MICAL2: variants seen among roughly 807,000 people sequenced by gnomAD.
MICAL2 encodes the protein [F-actin]-monooxygenase MICAL2.
MICAL2 carries 77 observed loss-of-function variants against 127.3 expected under a neutral mutation model. The observed-to-expected ratio is 0.60, with a 90% CI of 0.50 to 0.73. MICAL2 has a LOEUF of 0.73. MICAL2 is among the 30% of genes least tolerant of loss of function. MICAL2 has a pLI of 0.00. For synonymous variants in MICAL2, 570 were observed against 551.1 expected, an observed-to-expected ratio of 1.03 and a Z score of -0.48; for missense variants, 1,351 against 1,434.4, an observed-to-expected ratio of 0.94 and a Z score of 0.94.
Position 12,236,252 on chromosome 11 carries a change from G to T in MICAL2, c.2064+7G>T. On this transcript the variant is annotated splice_region_variant and intron_variant, in intron 16 of 27. Transcript: ENST00000683283. ...CTTCACCAACCTGGACGAGGTTTGT[G>T]TACACAGTGTGGCTTTAAACAGAGG... 6.2e-7 allele frequency: 1 copy of T among 1,613,858 alleles called. No homozygotes were observed. Among genetic ancestry groups the T allele is most frequent in the Non-Finnish European group, 8.5e-7 (1 of 1,179,688 alleles).
chr11:12,342,983 A>G (rs1308157419), intron 32 of MICAL2, among the ~76,000 whole-genome samples: 1 of 152,116 alleles, frequency 6.6e-6, no homozygotes, highest in Admixed American at 6.5e-5. Context: ...TGGAGTGGAG[A>G]GCAAGGCAAG....
At chr11:12,128,271 C>T (rs1304028368) in intron 1 of MICAL2, among the ~76,000 whole-genome samples, 1 of 152,192 alleles carries the variant, frequency 6.6e-6, no homozygotes, top group Non-Finnish European at 1.5e-5. Context: ...AATGGAAATC[C>T]TTTGTAAAGT....
chr11:12,304,403 G>A (rs1017218345), intron 29 of MICAL2, among the ~76,000 whole-genome samples: 1 of 152,032 alleles, frequency 6.6e-6, no homozygotes, highest in Non-Finnish European at 1.5e-5. Flanking sequence ...GGCTGAGGCG[G>A]GCAGATCACC....
intron 2 of MICAL2, among the ~76,000 whole-genome samples, chr11:12,147,247 A>T (rs915828827): frequency 1.3e-5 from 2 of 152,204 alleles, no homozygotes. Flanking sequence ...AAAATTTAGA[A>T]ATCTTTTAAG....
chr11:12,244,457 A>G (rs1326439981), intron 21 of MICAL2, among the ~76,000 whole-genome samples: 2 of 152,232 alleles, frequency 1.3e-5, no homozygotes. Context: ...CATAGAAATA[A>G]GTGACATTTT....
At chr11:12,160,355 A>G (rs542243774) in intron 2 of MICAL2, among the ~76,000 whole-genome samples, 17 of 151,778 alleles carry the variant, frequency 1.1e-4, no homozygotes, top group African/African-American at 4.1e-4. Flanking sequence ...CCTCCAGTCC[A>G]CTGCTGCCCT....
At chr11:12,222,957 T>A (rs1856997494) in intron 11 of MICAL2, among the ~76,000 whole-genome samples, 1 of 152,174 alleles carries the variant, frequency 6.6e-6, no homozygotes, top group Non-Finnish European at 1.5e-5. Context: ...GGGGAGAGAT[T>A]TATATGTATA....
Position 12,324,185 on chromosome 11 carries a change from G to T in MICAL2, c.5421+115G>T, listed in dbSNP as rs1864331236. ...ATTAGGGAAAGCAGGCTGGAGAAAG[G>T]TCAGTCTTGTTCTCTGAGGAACCAG... On this transcript the variant is annotated intron_variant, in intron 31 of 34. Transcript: ENST00000646065. 2.4e-6 allele frequency: 3 copies of T among 1,269,502 alleles called. No homozygotes were observed. The East Asian group carries it at 8.0e-5, about 34-fold the overall frequency. The allele number at this position is 1,269,502 out of a possible 1,614,324, so 78.6% of individuals were successfully genotyped here. A position where few individuals can be genotyped will look rare whatever the true frequency, so the allele number is the denominator to read the frequency against.
intron 26 of MICAL2, chr11:12,262,100 G>T (rs745953678): frequency 1.8e-6 from 2 of 1,123,538 alleles, no homozygotes; most frequent in Non-Finnish European, 2.2e-6. Flanking sequence ...ATGTTTGTAC[G>T]CTCTGAGATG....
chr11:12,293,979 T>C, downstream of MICAL2: 1 of 1,614,102 alleles, frequency 6.2e-7, no homozygotes. Flanking sequence ...AAGTTAGTCC[T>C]CACTCAGGAG....
At chr11:12,361,869 C>G (rs1939210370), downstream of MICAL2, among the ~76,000 whole-genome samples, 1 of 152,206 alleles carries the variant, frequency 6.6e-6, no homozygotes, top group Non-Finnish European at 1.5e-5. Flanking sequence ...CAGGGGGCAG[C>G]CGGGGCCGCC....
chr11:12,257,473 A>G (rs1175748936), intron 24 of MICAL2, among the ~76,000 whole-genome samples: 2 of 152,214 alleles, frequency 1.3e-5, no homozygotes, highest in Non-Finnish European at 2.9e-5. Context: ...ATCGGAACGA[A>G]TGATTATTTT....
At chr11:12,234,253 A>G (rs1858713171) in intron 15 of MICAL2, among the ~76,000 whole-genome samples, 1 of 151,762 alleles carries the variant, frequency 6.6e-6, no homozygotes, top group Admixed American at 6.6e-5. Flanking sequence ...AGAGAGTAAA[A>G]TGTTTTGCCC....
downstream of MICAL2, chr11:12,294,856 A>G (rs1026722685): frequency 8.8e-6 from 13 of 1,480,408 alleles, no homozygotes; most frequent in Admixed American, 8.9e-5. Context: ...CGGGAGGTGC[A>G]GGTAAGTGGC....
intron 3 of MICAL2, among the ~76,000 whole-genome samples, chr11:12,163,498 C>T (rs1189980140): frequency 6.6e-6 from 1 of 152,204 alleles, no homozygotes; most frequent in Non-Finnish European, 1.5e-5. Flanking sequence ...GGATATGCTG[C>T]TTTCCACTGC....
intron 33 of MICAL2, among the ~76,000 whole-genome samples, chr11:12,352,099 T>A (rs1939059696): frequency 6.6e-6 from 1 of 152,210 alleles, no homozygotes; most frequent in South Asian, 2.1e-4. Flanking sequence ...TATTACAACT[T>A]TTTAAGTTGA....
Position 12,201,260 on chromosome 11 carries a change from T to C in MICAL2, c.265-2990T>C, listed in dbSNP as rs529110055. Among the ~76,000 whole-genome samples the C allele has an allele frequency of 1.3e-3, 204 of 152,116 alleles. 1 individual carries two copies. In the Middle Eastern group the frequency reaches 0.024, roughly 18 times the overall value. ...CCCCTAATTAGGTGTCTACAAACTC[T>C]CTGGAAGGTTCCAACCAGTAAGCCA... On this transcript the variant is annotated intron_variant, in intron 3 of 27. Transcript: ENST00000683283.
intron 29 of MICAL2, among the ~76,000 whole-genome samples, chr11:12,306,534 T>C (rs1864111868): frequency 6.6e-6 from 1 of 152,218 alleles, no homozygotes; most frequent in Non-Finnish European, 1.5e-5. Context: ...CAATTGTATA[T>C]AGTAATGGAA....
intron 22 of MICAL2, chr11:12,255,348 G>C (rs1260297897): frequency 2.6e-6 from 1 of 390,246 alleles, no homozygotes; most frequent in African/African-American, 2.0e-5. Flanking sequence ...CTAAACAACA[G>C]CAACCACTGT....
Sources: allele counts gnomAD v4.1 joint callset (sites outside exome capture counted in the v4.1 genomes callset), GRCh38; gene constraint gnomAD v4.1.1; transcripts MANE v1.5; gene names NCBI Gene and HGNC (gene_info 2026-07-23, HGNC 2026-07-21).